The following RASA3 variants were observed in gnomAD, a reference collection of about 807,000 sequenced individuals.
The protein encoded by RASA3 is RAS p21 protein activator 3, also known as ras GTPase-activating protein 3.
Under a neutral mutation model 110.0 loss-of-function variants are expected in RASA3, and 73 were observed. The observed-to-expected ratio is 0.66, with a 90% CI of 0.55 to 0.81. The LOEUF (loss-of-function observed/expected upper bound fraction) is 0.81. RASA3 is among the 30% of genes least tolerant of loss of function. The pLI, the probability that RASA3 is intolerant of heterozygous loss-of-function variation, is 0.00. For missense variants in RASA3, 976 were observed against 1,113.2 expected, an observed-to-expected ratio of 0.88 and a Z score of 1.75; for synonymous variants, 500 against 451.4, an observed-to-expected ratio of 1.11 and a Z score of -1.37.
intron 3 of RASA3, among the ~76,000 whole-genome samples, chr13:114,042,701 T>C (rs757893833): frequency 6.6e-6 from 1 of 152,228 alleles, no homozygotes; most frequent in Non-Finnish European, 1.5e-5. Context: ...GATCCTTTTA[T>C]ATTTCCGTGT....
intron 2 of RASA3, among the ~76,000 whole-genome samples, chr13:114,054,742 G>T (rs543145824): frequency 6.6e-6 from 1 of 152,366 alleles, no homozygotes; most frequent in Admixed American, 6.5e-5. Context: ...ATCTTTCAAT[G>T]AAGGCAGAAT....
intron 4 of RASA3, among the ~76,000 whole-genome samples, chr13:114,033,675 C>T (rs900258742): frequency 1.8e-3 from 271 of 148,254 alleles, no homozygotes; most frequent in African/African-American, 6.5e-3. Context: ...ACTGACACCA[C>T]GCCCCACGGC....
intron 18 of RASA3, among the ~76,000 whole-genome samples, chr13:114,004,853 CAA>C (rs2053479821): frequency 6.6e-6 from 1 of 152,208 alleles, no homozygotes. Context: ...CTCACAACAG[CAA>C]AGACACGGAA....
At chr13:114,020,625 G>T (rs571231183) in intron 9 of RASA3, among the ~76,000 whole-genome samples, 1 of 152,302 alleles carries the variant, frequency 6.6e-6, no homozygotes, top group African/African-American at 2.4e-5. Flanking sequence ...GCTGCCTGTC[G>T]CTAAGGGACA....
chr13:114,030,927 G>A (rs2054153560), intron 4 of RASA3, among the ~76,000 whole-genome samples: 1 of 147,922 alleles, frequency 6.8e-6, no homozygotes, highest in Non-Finnish European at 1.5e-5. Flanking sequence ...ATGCATGCAT[G>A]CGACTATGTG....
intron 2 of RASA3, among the ~76,000 whole-genome samples, chr13:114,062,027 G>A (rs2079361669): frequency 6.6e-6 from 1 of 152,130 alleles, no homozygotes; most frequent in African/African-American, 2.4e-5. Context: ...TCGGACTGAC[G>A]CCGTCCTGGA....
rs773365106 is a variant in RASA3, at chr13:114,018,900, C to T, written c.805G>A (p.Asp269Asn). Residue 269 changes from aspartate to asparagine, a missense_variant, in exon 10 of 24, where the codon GAC (aspartate) becomes AAC (asparagine). Physicochemically the swap from Asp to Asn is conservative, Grantham distance 23. Transcript: ENST00000334062. The stretch of plus-strand genomic sequence containing the variant: ...GGCTTTAGGCTCTTGCTACCATTGT[C>T]CCGGGGCTGGAGGAAGTACCTGGGT... ...YEAWYFLQPR[D>N]NGSKSLKPDD... 8.1e-6 allele frequency: 13 copies of T among 1,613,740 alleles called. No individual in the cohort carries two copies. In the South Asian group the frequency reaches 1.3e-4, roughly 16 times the overall value.
chr13:114,080,666 G>GCTGAAGCAGGGGTCTCCCCCAGGGGCCA (rs2079769022), intron 1 of RASA3, among the ~76,000 whole-genome samples: 2 of 135,228 alleles, frequency 1.5e-5, no homozygotes, highest in East Asian at 2.2e-4. Flanking sequence ...CCCGACAACG[G>GCTGAAGCAGGGGTCTCCCCCAGGGGCCA]CTGAAACAGG....
chr13:114,018,294 G>A (rs1282180042), intron 10 of RASA3, 42 bp from the exon 11 acceptor site: 2 of 1,535,906 alleles, frequency 1.3e-6, no homozygotes. Flanking sequence ...CCGGGGTGCA[G>A]GAACCCCAGA....
At chr13:114,089,312 G>T (rs1207798200) in intron 1 of RASA3, among the ~76,000 whole-genome samples, 1 of 148,730 alleles carries the variant, frequency 6.7e-6, no homozygotes, top group East Asian at 2.0e-4. Context: ...GGGGGAGGAG[G>T]GGGGAGGGGG....
chr13:113,982,199 C>T lies in RASA3; in HGVS notation c.2246-341G>A, dbSNP rs768516190. On this transcript the variant is annotated intron_variant, in intron 22 of 23. Coordinates refer to ENST00000334062, the MANE Select transcript of RASA3 (RefSeq NM_007368.4). ...CACATCTCTGCACGCCCCACCAGCC[C>T]GCCCAGCCAGAACCAGGAGGAGAGA... 9.8e-5 allele frequency among the ~76,000 whole-genome samples: 15 copies of T among 152,324 alleles called. No individual in the cohort carries two copies. In the South Asian group the frequency reaches 1.9e-3, roughly 19 times the overall value.
At chr13:114,066,392 C>T (rs867371043) in intron 2 of RASA3, among the ~76,000 whole-genome samples, 15 of 152,160 alleles carry the variant, frequency 9.9e-5, no homozygotes, top group South Asian at 2.1e-4. Context: ...AGAGGGCCAG[C>T]GGCCGAGGAG....
At chr13:114,046,563 G>A (rs994159685) in intron 3 of RASA3, among the ~76,000 whole-genome samples, 8 of 152,212 alleles carry the variant, frequency 5.3e-5, no homozygotes, top group East Asian at 1.9e-4. Context: ...TCCGAGTCAC[G>A]GGGTTGTTCC....
chr13:114,121,726 C>A (rs1211507261), intron 1 of RASA3, among the ~76,000 whole-genome samples: 3 of 152,226 alleles, frequency 2.0e-5, no homozygotes, highest in Non-Finnish European at 4.4e-5. Flanking sequence ...GCGGCCAGAC[C>A]AGTCCCTGAG....
chr13:114,026,924 CTG>C (rs1286162590), intron 7 of RASA3, among the ~76,000 whole-genome samples: 1 of 152,216 alleles, frequency 6.6e-6, no homozygotes, highest in East Asian at 1.9e-4. Context: ...GAGAGGATCT[CTG>C]TGTCTGAATC....
intron 4 of RASA3, among the ~76,000 whole-genome samples, chr13:114,030,885 G>A (rs1040707503): frequency 3.3e-5 from 5 of 152,022 alleles, no homozygotes; most frequent in African/African-American, 9.7e-5. Context: ...ACCTGTGTGC[G>A]TGCAACTGTG....
chr13:114,102,170 G>C (rs1026326743), intron 1 of RASA3, among the ~76,000 whole-genome samples: 3 of 152,168 alleles, frequency 2.0e-5, no homozygotes, highest in African/African-American at 4.8e-5. Flanking sequence ...TCCAGTGCCA[G>C]AAAACAGAGA....
At chr13:114,083,162 A>T (rs531677938) in intron 1 of RASA3, among the ~76,000 whole-genome samples, 2 of 152,388 alleles carry the variant, frequency 1.3e-5, no homozygotes, top group Admixed American at 1.3e-4. Context: ...CAATGTCACA[A>T]GCAACTTTGT....
rs1470368786 is a variant in RASA3, at chr13:114,108,231, G to A, written c.55+24204C>T. 1.2e-4 allele frequency among the ~76,000 whole-genome samples: 10 copies of A among 86,870 alleles called. No homozygotes were observed. The East Asian group carries it at 2.0e-3, about 17-fold the overall frequency. The allele number at this position is 86,870 out of a possible 152,430, so 57.0% of individuals were successfully genotyped here. A position where few individuals can be genotyped will look rare whatever the true frequency, so the allele number is the denominator to read the frequency against. On this transcript the variant is annotated intron_variant, in intron 1 of 23. Coordinates refer to ENST00000334062, the MANE Select transcript of RASA3 (RefSeq NM_007368.4). ...CATCACCCCGTGTCTGTCACCCCGCGTCTGTCACCCCATGTCTGTCACCCT... is the reference window on the plus strand; with the variant it reads ...CATCACCCCGTGTCTGTCACCCCGCATCTGTCACCCCATGTCTGTCACCCT...
Sources: gnomAD v4.1 joint callset for allele counts (sites outside exome capture counted in the v4.1 genomes callset) on GRCh38, gnomAD v4.1.1 for gene constraint, MANE v1.5 for transcripts, NCBI Gene and HGNC (gene_info 2026-07-23, HGNC 2026-07-21) for gene names.